Variants in NUP37 observed in about 807,000 individuals in gnomAD.
NUP37 encodes the protein nucleoporin Nup37.
NUP37 carries 33 observed loss-of-function variants against 45.4 expected under a neutral mutation model. The observed-to-expected ratio is 0.73, with a 90% CI of 0.55 to 0.97. The LOEUF is 0.97. Among genes scored for constraint, NUP37 ranks in the 50% least tolerant of loss-of-function variants. The pLI is 0.00. For synonymous variants in NUP37, 127 were observed against 130.7 expected (o/e 0.97, Z 0.19); for missense variants, 365 against 389.7 (o/e 0.94, Z 0.53).
chr12:102,084,941 T>C (rs1189200594), intron 6 of NUP37, among the ~76,000 whole-genome samples: 4 of 152,186 alleles, frequency 2.6e-5, no homozygotes, highest in African/African-American at 7.2e-5. Flanking sequence ...TTAAGGGTAG[T>C]TGATAATAAG....
intron 5 of NUP37, among the ~76,000 whole-genome samples, chr12:102,087,491 T>C (rs1414377037): frequency 1.3e-5 from 2 of 152,248 alleles, no homozygotes; most frequent in Admixed American, 6.5e-5. Context: ...GTATTTATTA[T>C]ACAAGGGAGA....
chr12:102,077,120 T>A (rs1879192837), intron 7 of NUP37: 5 of 630,712 alleles, frequency 7.9e-6, no homozygotes, highest in Non-Finnish European at 1.4e-5. Flanking sequence ...TCTTTTGCAC[T>A]GTCCTTTCTG....
intron 2 of NUP37, among the ~76,000 whole-genome samples, chr12:102,112,445 C>A (rs1460161569): frequency 6.6e-6 from 1 of 152,062 alleles, no homozygotes; most frequent in Non-Finnish European, 1.5e-5. Context: ...CAACTAGAAA[C>A]AAATGGTAAA....
In NUP37 at chr12:102,118,555, A is replaced by G; in HGVS notation, c.-37T>C. 1.3e-6 allele frequency: 2 copies of G among 1,593,760 alleles called. No individual in the cohort carries two copies. Among genetic ancestry groups the G allele is most frequent in the Middle Eastern group, 1.7e-4 (1 of 5,974 alleles). ...AAATTCAAGCAGTTGTGAAAATTAA[A>G]TAGCCTTCTACTGGACAAGGTCACG... On this transcript the variant is annotated 5_prime_UTR_variant, in exon 2 of 10. Transcript: ENST00000552283.
intron 5 of NUP37, among the ~76,000 whole-genome samples, chr12:102,087,055 G>C (rs894191969): frequency 6.6e-6 from 1 of 152,112 alleles, no homozygotes; most frequent in Non-Finnish European, 1.5e-5. Context: ...TGCCACGTTT[G>C]CACCTCTGCA....
chr12:102,103,576 CT>C (rs1205543555), intron 3 of NUP37, among the ~76,000 whole-genome samples: 1 of 152,064 alleles, frequency 6.6e-6, no homozygotes, highest in African/African-American at 2.4e-5. Flanking sequence ...CGTTTTAATT[CT>C]TTTTCATATC....
Position 102,099,141 on chromosome 12 carries a change from T to G in NUP37, c.414A>C (p.Gln138His). Reference protein sequence around the residue: ...NGLVFDPKEGQEIASVSDDHT... With the variant: ...NGLVFDPKEGHEIASVSDDHT... The stretch of plus-strand genomic sequence containing the variant: ...GATCGTCACTCACACTTGCAATTTC[T>G]TGGCCTTCTTTGGGATCAAACACCA... Residue 138 changes from glutamine (Q) to histidine (H), a missense_variant, in exon 5 of 10, where the codon CAA becomes CAC. Physicochemically the swap from Gln to His is conservative, Grantham distance 24. Transcript: ENST00000552283. 1.9e-6 allele frequency: 3 copies of G among 1,613,864 alleles called. No homozygotes were observed. Among genetic ancestry groups the G allele is most frequent in the Non-Finnish European group, 2.5e-6 (3 of 1,179,754 alleles).
intron 6 of NUP37, among the ~76,000 whole-genome samples, chr12:102,084,136 T>C (rs1287072361): frequency 6.6e-6 from 1 of 152,196 alleles, no homozygotes; most frequent in Non-Finnish European, 1.5e-5. Flanking sequence ...TGTGTGACCT[T>C]GGATAATTTA....
chr12:102,091,864 G>A (rs1879666829), intron 5 of NUP37, among the ~76,000 whole-genome samples: 1 of 152,114 alleles, frequency 6.6e-6, no homozygotes, highest in African/African-American at 2.4e-5. Context: ...TATGAATTAT[G>A]CTTATTTTAC....
At chr12:102,113,436 G>C (rs1240577934) in intron 2 of NUP37, among the ~76,000 whole-genome samples, 2 of 152,084 alleles carry the variant, frequency 1.3e-5, no homozygotes, top group African/African-American at 2.4e-5. Context: ...CAGGTATACA[G>C]GGATCCATCT....
chr12:102,077,128 C>T, intron 7 of NUP37, 194 bp downstream of exon 7: 1 of 640,110 alleles, frequency 1.6e-6, no homozygotes, highest in East Asian at 2.7e-5. Context: ...ACTGTCCTTT[C>T]TGGGTTACTC....
Position 102,074,235 on chromosome 12 carries a change from C to T in NUP37, c.*119G>A, listed in dbSNP as rs1200489588. ...TTTTATTTAATAAAAGCAACTGAGACATTTTCTAAAGTATACGGTATATTT... is the reference window on the plus strand; with the variant it reads ...TTTTATTTAATAAAAGCAACTGAGATATTTTCTAAAGTATACGGTATATTT... On this transcript the variant is annotated 3_prime_UTR_variant, in exon 10 of 10. Transcript: ENST00000552283. 4 of 513,542 alleles carry T rather than the reference C, an allele frequency of 7.8e-6. No individual in the cohort carries two copies. Among genetic ancestry groups the T allele is most frequent in the Non-Finnish European group, 1.3e-5 (4 of 296,572 alleles). 31.8% of individuals were successfully genotyped at this position (513,542 alleles called of 1,614,324 possible).
intron 5 of NUP37, among the ~76,000 whole-genome samples, chr12:102,087,250 G>C (rs879420913): frequency 1.3e-5 from 2 of 152,148 alleles, no homozygotes; most frequent in Non-Finnish European, 2.9e-5. Flanking sequence ...TCAATGTGTA[G>C]GCAAAAATTT....
intron 5 of NUP37, among the ~76,000 whole-genome samples, chr12:102,093,706 A>C (rs1879723457): frequency 6.6e-6 from 1 of 152,132 alleles, no homozygotes; most frequent in South Asian, 2.1e-4. Context: ...TATGCTGAAT[A>C]CTAAAGCTAT....
At chr12:102,110,351 A>G (rs985563700) in intron 3 of NUP37, among the ~76,000 whole-genome samples, 1 of 147,718 alleles carries the variant, frequency 6.8e-6, no homozygotes, top group Admixed American at 6.7e-5. Context: ...AATACAAAAA[A>G]TTAGCCGGGA....
intron 2 of NUP37, among the ~76,000 whole-genome samples, chr12:102,112,493 G>C (rs561530296): frequency 2.0e-5 from 3 of 152,262 alleles, no homozygotes; most frequent in Non-Finnish European, 4.4e-5. Flanking sequence ...TTCATAATAA[G>C]TTCAATGAAA....
At chr12:102,075,329 C>T (rs370191133) in intron 8 of NUP37, among the ~76,000 whole-genome samples, 31 of 152,098 alleles carry the variant, frequency 2.0e-4, no homozygotes, top group African/African-American at 5.5e-4. Context: ...GTGTGTACTA[C>T]GATGCCCAGG....
intron 5 of NUP37, among the ~76,000 whole-genome samples, chr12:102,087,051 G>A (rs931456324): frequency 7.2e-5 from 11 of 152,136 alleles, no homozygotes; most frequent in African/African-American, 2.7e-4. Context: ...AATGTGCCAC[G>A]TTTGCACCTC....
Position 102,074,357 on chromosome 12 carries a change from T to C in NUP37, c.978A>G (p.Val326=). 6.3e-7 allele frequency: 1 copy of C among 1,594,004 alleles called. No individual in the cohort carries two copies. The highest frequency in any genetic ancestry group is 8.6e-7 in the Non-Finnish European group (1 of 1,163,570). The change falls in exon 10 of 10, where the codon GTA becomes GTG. Residue 326 remains valine, a synonymous_variant. Coordinates refer to ENST00000552283, the MANE Select transcript of NUP37 (RefSeq NM_024057.4). ...AATCTAAGGTACAGAAAACACTTTA[T>C]ACTTCAGTCACCCAAAACAACAGCT... ...DHKLLFWVTE[V]
Sources: gnomAD v4.1 joint callset for allele counts (sites outside exome capture counted in the v4.1 genomes callset) on GRCh38, gnomAD v4.1.1 for gene constraint, MANE v1.5 for transcripts, NCBI Gene and HGNC (gene_info 2026-07-23, HGNC 2026-07-21) for gene names.